GPAT3: variants seen among roughly 807,000 people sequenced by gnomAD.
GPAT3 encodes the protein 1-AGP acyltransferase 9.
In GPAT3, 53 loss-of-function variants were observed where a neutral mutation model predicts 58.8. That is an observed-to-expected ratio of 0.90 (90% CI 0.72 to 1.13). The LOEUF (loss-of-function observed/expected upper bound fraction) is 1.13, where lower values mean the gene tolerates loss of function less well. Ranked by LOEUF, GPAT3 falls within the 50% of genes most tolerant of loss-of-function variation. The pLI is 0.00. For synonymous variants in GPAT3, 197 were observed against 187.4 expected, an observed-to-expected ratio of 1.05 and a Z score of -0.42; for missense variants, 511 against 527.6, an observed-to-expected ratio of 0.97 and a Z score of 0.31.
At chr4:83,587,834 TG>T (rs879717243) in intron 4 of GPAT3, among the ~76,000 whole-genome samples, 23 of 152,238 alleles carry the variant, frequency 1.5e-4, no homozygotes, top group Non-Finnish European at 3.1e-4. Context: ...TGAAAGAAGT[TG>T]TTTTTTCAAA....
rs775814489 is a variant in GPAT3 at position 83,588,248 on chromosome 4, G to T, written c.593G>T (p.Cys198Phe). 6.2e-7 allele frequency: 1 copy of T among 1,613,922 alleles called. No homozygotes were observed. The highest frequency in any genetic ancestry group is 8.5e-7 in the Non-Finnish European group (1 of 1,179,902). Residue 198 changes from cysteine (C) to phenylalanine (F), a missense_variant, in exon 5 of 12, where the codon TGC becomes TTC. Cys to Phe is a radical substitution (Grantham distance 205). Transcript: ENST00000264409. ...CTGAGTGAACTGGTCCATCTGACTT[G>T]CTGCCGGATCTGTGTGCGAGCCCTC... is the stretch of plus-strand genomic sequence containing the variant. ...NWLSELVHLT[C>F]CRICVRALSG...
At chr4:83,579,198 TTC>T (rs1202342874) in intron 2 of GPAT3, among the ~76,000 whole-genome samples, 12 of 138,808 alleles carry the variant, frequency 8.6e-5, no homozygotes, top group Admixed American at 8.0e-4. Flanking sequence ...TTTTATTTCT[TTC>T]TCTCTCTCCC....
intron 2 of GPAT3, among the ~76,000 whole-genome samples, chr4:83,567,789 A>G (rs1309206902): frequency 1.3e-5 from 2 of 152,110 alleles, no homozygotes; most frequent in African/African-American, 4.8e-5. Flanking sequence ...CAACAACAAA[A>G]AAAGCCTGGG....
chr4:83,578,950 T>C lies in GPAT3; in HGVS notation c.209-2612T>C, dbSNP rs1560620562. 3.0e-5 allele frequency among the ~76,000 whole-genome samples: 3 copies of C among 100,236 alleles called. 1 individual carries two copies. Among genetic ancestry groups the C allele is most frequent in the African/African-American group, 1.3e-4 (3 of 23,650 alleles). 65.8% of individuals were successfully genotyped at this position (100,236 alleles called of 152,430 possible). A position where few individuals can be genotyped will look rare whatever the true frequency, so the allele number is the denominator to read the frequency against. On this transcript the variant is annotated intron_variant, in intron 2 of 11. Coordinates refer to ENST00000264409, the MANE Select transcript of GPAT3 (RefSeq NM_032717.5). ...CTTTCTTTCTTTCTTTTCTTTTCTTTTCTTTCTTTCTTTCTTTCTTTCTTT... is the reference window on the plus strand; with the variant it reads ...CTTTCTTTCTTTCTTTTCTTTTCTTCTCTTTCTTTCTTTCTTTCTTTCTTT...
chr4:83,589,110 T>G (rs1726493618), intron 5 of GPAT3, among the ~76,000 whole-genome samples: 1 of 152,224 alleles, frequency 6.6e-6, no homozygotes, highest in South Asian at 2.1e-4. Context: ...CTATGAGTTT[T>G]AAAGTGAAGA....
In GPAT3 at chr4:83,536,230, C is replaced by A; in HGVS notation, c.-393C>A. On this transcript the variant is annotated 5_prime_UTR_variant, in exon 1 of 12. Coordinates refer to ENST00000264409, the MANE Select transcript of GPAT3 (RefSeq NM_032717.5). The stretch of plus-strand genomic sequence containing the variant: ...CCGTGAGTCATCTGCTGAGTTGTCG[C>A]AATCGCCACCCAGAGGAAATCAGGC... The A allele has an allele frequency of 1.0e-6, 1 of 997,662 alleles. No individual in the cohort carries two copies. The highest frequency in any genetic ancestry group is 4.5e-5 in the South Asian group (1 of 22,090). The allele number at this position is 997,662 out of a possible 1,614,324, so 61.8% of individuals were successfully genotyped here.
intron 2 of GPAT3, among the ~76,000 whole-genome samples, chr4:83,559,633 A>T (rs1725060395): frequency 6.6e-6 from 1 of 152,144 alleles, no homozygotes; most frequent in South Asian, 2.1e-4. Flanking sequence ...AAAGCAGGAA[A>T]GTTCTTCATC....
chr4:83,582,343 C>T (rs576285347), intron 3 of GPAT3, among the ~76,000 whole-genome samples: 2 of 152,326 alleles, frequency 1.3e-5, no homozygotes, highest in East Asian at 1.9e-4. Context: ...ATTGTGATCA[C>T]GGACTGCTCT....
At chr4:83,567,199 A>G (rs1350455318) in intron 2 of GPAT3, among the ~76,000 whole-genome samples, 1 of 152,182 alleles carries the variant, frequency 6.6e-6, no homozygotes, top group East Asian at 1.9e-4. Flanking sequence ...AGTGCTAAAC[A>G]GTAGTGGTGC....
intron 1 of GPAT3, among the ~76,000 whole-genome samples, chr4:83,540,908 T>TC (rs1192446629): frequency 4.6e-5 from 7 of 152,152 alleles, no homozygotes; most frequent in Non-Finnish European, 1.0e-4. Context: ...CAGGCTGGTC[T>TC]CCGACTCTTG....
chr4:83,537,504 CTG>C (rs1724143438), intron 1 of GPAT3, among the ~76,000 whole-genome samples: 1 of 151,730 alleles, frequency 6.6e-6, no homozygotes, highest in Admixed American at 6.6e-5. Flanking sequence ...GAGAGGGAAA[CTG>C]AGAGTCAGAG....
chr4:83,593,861 G>A (rs1028638916), intron 6 of GPAT3, among the ~76,000 whole-genome samples: 1 of 151,984 alleles, frequency 6.6e-6, no homozygotes, highest in East Asian at 1.9e-4. Context: ...TCTGTCATTC[G>A]CTCCTTACTG....
intron 2 of GPAT3, among the ~76,000 whole-genome samples, chr4:83,558,160 G>A (rs979222087): frequency 5.3e-5 from 8 of 151,900 alleles, no homozygotes; most frequent in Non-Finnish European, 7.4e-5. Flanking sequence ...GTTGCAGTGA[G>A]CCAAGATCAT....
chr4:83,576,659 G>T (rs1308721053), intron 2 of GPAT3, among the ~76,000 whole-genome samples: 1 of 152,120 alleles, frequency 6.6e-6, no homozygotes, highest in Admixed American at 6.5e-5. Flanking sequence ...GGCCAGGCTG[G>T]TCTCGAACTC....
Position 83,579,017 on chromosome 4 carries a change from C to CCTTTCTTTCTTTCTTT in GPAT3, c.209-2497_209-2482dup, listed in dbSNP as rs756095198. On this transcript the variant is annotated intron_variant, in intron 2 of 11. Transcript: ENST00000264409. ...CCTTCCTTCCTTCCTTCCTTCTTTC[C>CCTTTCTTTCTTTCTTT]CTTTCTTTCTTTCTTTCTTTCTTTC... Among the ~76,000 whole-genome samples the CCTTTCTTTCTTTCTTT allele has an allele frequency of 1.7e-4, 8 of 46,528 alleles. 1 individual carries two copies. Among genetic ancestry groups the CCTTTCTTTCTTTCTTT allele is most frequent in the South Asian group, 1.6e-3 (2 of 1,242 alleles). 30.5% of individuals were successfully genotyped at this position (46,528 alleles called of 152,430 possible).
intron 1 of GPAT3, among the ~76,000 whole-genome samples, chr4:83,541,406 T>TTC: frequency 6.7e-6 from 1 of 149,982 alleles, no homozygotes. Flanking sequence ...TTTTTTTTTT[T>TTC]TTTTTTTGTA....
At position 83,536,259 on chromosome 4, in the gene GPAT3, G is replaced by T; in HGVS notation, c.-364G>T. ...CGCCACCCAGAGGAAATCAGGCACC[G>T]GGCGGGGCGGGTTCCTGGCTGCGCT... is the stretch of plus-strand genomic sequence containing the variant. On this transcript the variant is annotated 5_prime_UTR_variant, in exon 1 of 12. Coordinates refer to ENST00000264409, the MANE Select transcript of GPAT3 (RefSeq NM_032717.5). 9.8e-7 allele frequency: 1 copy of T among 1,017,742 alleles called. No homozygotes were observed. Among genetic ancestry groups the T allele is most frequent in the Non-Finnish European group, 1.2e-6 (1 of 851,292 alleles). 63.0% of individuals were successfully genotyped at this position (1,017,742 alleles called of 1,614,324 possible). A position where few individuals can be genotyped will look rare whatever the true frequency, so the allele number is the denominator to read the frequency against.
At position 83,536,630 on chromosome 4, in the gene GPAT3, G is replaced by C. The variant is rs1666797648; in HGVS notation, c.8G>C (p.Gly3Ala). The change falls in exon 1 of 12, where the codon GGC (glycine) becomes GCC (alanine). Residue 3 changes from glycine (G) to alanine (A), a missense_variant. By Grantham distance (60) the Gly-to-Ala change is moderately conservative (BLOSUM62 0). Coordinates refer to ENST00000264409, the MANE Select transcript of GPAT3 (RefSeq NM_032717.5). The part of the protein sequence containing the change: ME[G>A]AELAGKILST... ...GAGTGGGTGCGCCGAGTCATGGAGG[G>C]CGCAGAGCTGGCCGGGAAGATCCTT... The C allele has an allele frequency of 6.2e-7, 1 of 1,612,528 alleles. No homozygotes were observed. The highest frequency in any genetic ancestry group is 1.1e-5 in the South Asian group (1 of 90,988).
intron 1 of GPAT3, among the ~76,000 whole-genome samples, chr4:83,540,781 C>T (rs906536249): frequency 2.0e-5 from 3 of 152,154 alleles, no homozygotes; most frequent in African/African-American, 7.2e-5. Flanking sequence ...CCTCCCCCTC[C>T]CGGATTCAAG....
Sources: gnomAD v4.1 joint callset for allele counts (sites outside exome capture counted in the v4.1 genomes callset) on GRCh38, gnomAD v4.1.1 for gene constraint, MANE v1.5 for transcripts, NCBI Gene and HGNC (gene_info 2026-07-23, HGNC 2026-07-21) for gene names.